BANF2: variants seen among roughly 807,000 people sequenced by gnomAD.
BANF2 encodes BANF family member 2.
BANF2 carries 4 observed loss-of-function variants against 8.0 expected under a neutral mutation model. The ratio of observed to expected loss-of-function variants is 0.50; its 90% CI spans 0.25 to 1.14. The LOEUF (loss-of-function observed/expected upper bound fraction) is 1.14, where lower values mean the gene tolerates loss of function less well. BANF2 is among the 50% of genes most tolerant of loss of function. BANF2 has a pLI of 0.16. For missense variants in BANF2, 96 were observed against 107.5 expected, an observed-to-expected ratio of 0.89 and a Z score of 0.47; for synonymous variants, 50 against 40.6, an observed-to-expected ratio of 1.23 and a Z score of -0.88.
chr20:17,696,901 T>C (rs912718873), upstream of BANF2, among the ~76,000 whole-genome samples: 3 of 152,024 alleles, frequency 2.0e-5, no homozygotes, highest in African/African-American at 7.2e-5. Flanking sequence ...CTCGACATGG[T>C]GTTTTCATTT....
At chr20:17,724,496 G>A (rs1390267110) in intron 2 of BANF2, among the ~76,000 whole-genome samples, 1 of 152,190 alleles carries the variant, frequency 6.6e-6, no homozygotes, top group African/African-American at 2.4e-5. Flanking sequence ...CAATCCCTGA[G>A]GAATGGCGCT....
chr20:17,730,558 C>A (rs2037879630), intron 3 of BANF2, among the ~76,000 whole-genome samples: 1 of 152,212 alleles, frequency 6.6e-6, no homozygotes, highest in Non-Finnish European at 1.5e-5. Flanking sequence ...TCTGCTCTCT[C>A]TCGCATGCCG....
chr20:17,703,738 G>A (rs998376004), intron 1 of BANF2, among the ~76,000 whole-genome samples: 1 of 138,582 alleles, frequency 7.2e-6, no homozygotes, highest in African/African-American at 2.9e-5. Context: ...CAAGTAGGCT[G>A]ACTTTTTTTT....
At chr20:17,729,432 A>G (rs544007966) in intron 3 of BANF2, among the ~76,000 whole-genome samples, 1 of 152,244 alleles carries the variant, frequency 6.6e-6, no homozygotes, top group East Asian at 1.9e-4. Flanking sequence ...CCATGTTGCG[A>G]CATCTGACAA....
chr20:17,728,780 G>C (rs910039095), intron 3 of BANF2, among the ~76,000 whole-genome samples: 1 of 152,136 alleles, frequency 6.6e-6, no homozygotes, highest in African/African-American at 2.4e-5. Context: ...CTTCCCAGGG[G>C]CAATCAGCAT....
chr20:17,723,272 C>T (rs1392590763), intron 2 of BANF2, among the ~76,000 whole-genome samples: 2 of 152,156 alleles, frequency 1.3e-5, no homozygotes, highest in Non-Finnish European at 2.9e-5. Flanking sequence ...TGGCGTATTA[C>T]AGTTTGAACC....
chr20:17,694,902 G>T (rs1433189743), intron 1 of BANF2, among the ~76,000 whole-genome samples: 2 of 151,970 alleles, frequency 1.3e-5, no homozygotes, highest in African/African-American at 4.8e-5. Flanking sequence ...GCTTATAGGT[G>T]TGAGCCACCG....
At chr20:17,731,431 C>T (rs6044970) in intron 3 of BANF2, 46,731 of 152,026 alleles carry the variant, frequency 0.31, 7,424 homozygotes, top group East Asian at 0.47. Context: ...CGGACTTGGG[C>T]AGAGGGCATT....
chr20:17,705,958 C>T (rs1265414344), intron 1 of BANF2, among the ~76,000 whole-genome samples: 1 of 152,262 alleles, frequency 6.6e-6, no homozygotes, highest in Non-Finnish European at 1.5e-5. Context: ...TGTGAGGGCC[C>T]ATGGGCACCC....
At chr20:17,699,958 A>G, upstream of BANF2, 3 of 984,646 alleles carry the variant, frequency 3.0e-6, no homozygotes, top group South Asian at 4.7e-5. Flanking sequence ...GATTTGCCCC[A>G]TGGGCCTAAG....
intron 2 of BANF2, among the ~76,000 whole-genome samples, chr20:17,724,612 G>C (rs1220872265): frequency 6.6e-6 from 1 of 152,230 alleles, no homozygotes; most frequent in Non-Finnish European, 1.5e-5. Flanking sequence ...ACAGTGTGAT[G>C]AACACTGAAA....
intron 1 of BANF2, among the ~76,000 whole-genome samples, chr20:17,693,935 G>A (rs1268211672): frequency 1.3e-5 from 2 of 152,224 alleles, no homozygotes; most frequent in Admixed American, 6.5e-5. Flanking sequence ...AGTGGCAAGC[G>A]TTCAGATCTA....
intron 1 of BANF2, among the ~76,000 whole-genome samples, chr20:17,706,956 A>G (rs920701494): frequency 1.3e-5 from 2 of 152,236 alleles, no homozygotes; most frequent in Non-Finnish European, 2.9e-5. Context: ...AGGGCCAGGC[A>G]TGACTTGATC....
At chr20:17,701,226 G>A (rs548237982) in intron 1 of BANF2, among the ~76,000 whole-genome samples, 93 of 152,330 alleles carry the variant, frequency 6.1e-4, no homozygotes, top group African/African-American at 2.0e-3. Context: ...AGGGGCCGGC[G>A]CTAGAGCAAC....
chr20:17,696,121 A>G (rs1213436679), upstream of BANF2, among the ~76,000 whole-genome samples: 1 of 152,216 alleles, frequency 6.6e-6, no homozygotes, highest in Non-Finnish European at 1.5e-5. Flanking sequence ...TATGATGAGT[A>G]AAGAAGTTAT....
chr20:17,716,841 CAA>C (rs36007590), intron 1 of BANF2, among the ~76,000 whole-genome samples: 9,863 of 89,282 alleles, frequency 0.11, 226 homozygotes, highest in African/African-American at 0.18. Flanking sequence ...GACTCCATCT[CAA>C]AAAAAAAAAA....
chr20:17,724,989 T>C (rs1275014285), intron 2 of BANF2, 34 bp from the exon 3 acceptor site: 11 of 1,590,704 alleles, frequency 6.9e-6, no homozygotes, highest in South Asian at 4.5e-5. Flanking sequence ...GTCAGGTATC[T>C]GCTAATCCTC....
upstream of BANF2, among the ~76,000 whole-genome samples, chr20:17,698,032 C>T (rs563280733): frequency 1.6e-4 from 24 of 152,114 alleles, no homozygotes; most frequent in East Asian, 4.6e-3. Flanking sequence ...AAGTGAAACC[C>T]CATCTCTACT....
At chr20:17,721,544 A>T (rs2037729448) in intron 1 of BANF2, among the ~76,000 whole-genome samples, 1 of 152,028 alleles carries the variant, frequency 6.6e-6, no homozygotes, top group South Asian at 2.1e-4. Context: ...GGTGCACACC[A>T]CTACGCCTGG....
Sources: gnomAD v4.1 joint callset for allele counts (sites outside exome capture counted in the v4.1 genomes callset) on GRCh38, gnomAD v4.1.1 for gene constraint, MANE v1.5 for transcripts, NCBI Gene and HGNC (gene_info 2026-07-23, HGNC 2026-07-21) for gene names.